VPS13A: variants seen among roughly 807,000 people sequenced by gnomAD.
The protein encoded by VPS13A is vacuolar protein sorting 13 homolog A.
Under a neutral mutation model 390.9 loss-of-function variants are expected in VPS13A, and 264 were observed. The observed-to-expected ratio is 0.68, with a 90% CI of 0.61 to 0.75. The LOEUF is 0.75. Among genes scored for constraint, VPS13A ranks in the 30% least tolerant of loss-of-function variants. The probability of loss-of-function intolerance (pLI) is 0.00; values close to 1 mark genes in which losing one functional copy is unlikely to be tolerated. For synonymous variants in VPS13A, 1,231 were observed against 1,227.1 expected, an observed-to-expected ratio of 1.00 and a Z score of -0.07; for missense variants, 3,409 against 3,733.9, an observed-to-expected ratio of 0.91 and a Z score of 2.27.
intron 34 of VPS13A, among the ~76,000 whole-genome samples, chr9:77,303,525 A>G (rs989169098): frequency 5.3e-5 from 8 of 152,294 alleles, no homozygotes; most frequent in African/African-American, 1.9e-4. Flanking sequence ...TAGAGAAACA[A>G]CAGTGGACCC....
chr9:77,215,653 T>C (rs905615059), intron 10 of VPS13A, among the ~76,000 whole-genome samples: 5 of 152,112 alleles, frequency 3.3e-5, no homozygotes, highest in Admixed American at 6.5e-5. Context: ...GCTAAAGATA[T>C]AGACAGAAGA....
chr9:77,404,465 A>T (rs1257707960), intron 69 of VPS13A, among the ~76,000 whole-genome samples: 1 of 152,196 alleles, frequency 6.6e-6, no homozygotes, highest in Non-Finnish European at 1.5e-5. Flanking sequence ...AGACTTTTGT[A>T]ATTAATTACA....
At chr9:77,381,323 T>A (rs1024719205) in intron 67 of VPS13A, among the ~76,000 whole-genome samples, 1 of 152,110 alleles carries the variant, frequency 6.6e-6, no homozygotes, top group Non-Finnish European at 1.5e-5. Context: ...TGCCCAGGAT[T>A]GGGGTATGTG....
intron 25 of VPS13A, 47 bp downstream of exon 25, chr9:77,275,699 C>G: frequency 6.4e-7 from 1 of 1,571,650 alleles, no homozygotes; most frequent in South Asian, 1.1e-5. Flanking sequence ...TTTGCTGTTT[C>G]TATATTTACA....
chr9:77,331,100 T>C (rs1830253533), intron 45 of VPS13A, among the ~76,000 whole-genome samples: 1 of 151,476 alleles, frequency 6.6e-6, no homozygotes, highest in African/African-American at 2.4e-5. Flanking sequence ...AAAATTTTCT[T>C]ATTTTTCTAT....
At chr9:77,389,595 G>GC (rs1833826090) in intron 68 of VPS13A, 1 of 152,100 alleles carries the variant, frequency 6.6e-6, no homozygotes, top group Non-Finnish European at 1.5e-5. Context: ...GTGATCCATT[G>GC]CTCTCGGCTT....
chr9:77,196,349 C>T (rs1489403427), intron 1 of VPS13A, among the ~76,000 whole-genome samples: 1 of 152,146 alleles, frequency 6.6e-6, no homozygotes, highest in East Asian at 1.9e-4. Context: ...CAAAATCTTT[C>T]TTCTAGCTAT....
At chr9:77,244,899 A>T (rs1333400803) in intron 19 of VPS13A, among the ~76,000 whole-genome samples, 1 of 152,140 alleles carries the variant, frequency 6.6e-6, no homozygotes, top group East Asian at 1.9e-4. Flanking sequence ...TATATGTAGG[A>T]TCCACACTGC....
chr9:77,299,051 C>G (rs1828180257), intron 33 of VPS13A, among the ~76,000 whole-genome samples: 1 of 152,098 alleles, frequency 6.6e-6, no homozygotes, highest in South Asian at 2.1e-4. Context: ...TCAGGTTTGT[C>G]AAAGATCAGA....
chr9:77,318,779 A>G (rs1012092080), intron 41 of VPS13A, among the ~76,000 whole-genome samples, 188 bp downstream of exon 41: 6 of 152,178 alleles, frequency 3.9e-5, no homozygotes, highest in African/African-American at 1.4e-4. Flanking sequence ...TTTTATGTAT[A>G]CATTCCTTTT....
chr9:77,373,335 A>G (rs1021961806), intron 67 of VPS13A, among the ~76,000 whole-genome samples: 6 of 145,846 alleles, frequency 4.1e-5, no homozygotes, highest in Admixed American at 2.1e-4. Flanking sequence ...AACGCCGCAT[A>G]TCTACAACTA....
chr9:77,382,048 G>C lies in VPS13A; in HGVS notation c.9150G>C (p.Pro3050=), dbSNP rs143089318. 2 of 1,608,384 alleles carry C rather than the reference G, an allele frequency of 1.2e-6. No homozygotes were observed. The highest frequency in any genetic ancestry group is 1.7e-6 in the Non-Finnish European group (2 of 1,177,018). The change falls in exon 68 of 72, where the codon CCG becomes CCC. Residue 3050 remains proline (P), a synonymous_variant. Transcript: ENST00000360280. ...RFFNEDGVIR[P]YRLRDGTGNQ... ...TCAATGAAGATGGAGTTATCAGACC[G>C]TACAGGTTGAGGGATGGGACTGGAA...
intron 13 of VPS13A, among the ~76,000 whole-genome samples, chr9:77,222,550 T>A: frequency 6.6e-6 from 1 of 152,220 alleles, no homozygotes; most frequent in South Asian, 2.1e-4. Context: ...AGACATTGTG[T>A]TTTTTACAAA....
chr9:77,309,904 C>T (rs1828971767), intron 35 of VPS13A, among the ~76,000 whole-genome samples: 1 of 150,848 alleles, frequency 6.6e-6, no homozygotes, highest in African/African-American at 2.4e-5. Flanking sequence ...CTGTCAGGGA[C>T]TTAGAAAAAA....
intron 67 of VPS13A, among the ~76,000 whole-genome samples, chr9:77,374,879 C>T (rs963069399): frequency 1.6e-4 from 24 of 151,910 alleles, no homozygotes; most frequent in African/African-American, 5.8e-4. Context: ...AATCTTTTTC[C>T]TTTGTGTTTT....
chr9:77,407,657 C>A, intron 71 of VPS13A, 50 bp downstream of exon 71: 1 of 1,340,412 alleles, frequency 7.5e-7, no homozygotes, highest in South Asian at 1.2e-5. Context: ...ACTTCAAAAT[C>A]ATGTAAGTGG....
rs1835238806 is a variant in VPS13A at position 77,418,431 on chromosome 9, T to C, written c.*2425T>C. ...GAAAATCATAATCAGAAAGAGTGAC[T>C]TTGATTTCTGGTACTTGTGATCAAA... On this transcript the variant is annotated 3_prime_UTR_variant, in exon 72 of 72. Coordinates refer to ENST00000360280, the MANE Select transcript of VPS13A (RefSeq NM_033305.3). The C allele has an allele frequency of 6.6e-6, 1 of 152,234 alleles. No individual in the cohort carries two copies. The highest frequency in any genetic ancestry group is 2.1e-4 in the South Asian group (1 of 4,830). The allele number at this position is 152,234 out of a possible 1,614,324, so 9.4% of individuals were successfully genotyped here. A position where few individuals can be genotyped will look rare whatever the true frequency, so the allele number is the denominator to read the frequency against.
chr9:77,333,861 C>G (rs181608581), intron 46 of VPS13A, among the ~76,000 whole-genome samples: 1 of 151,996 alleles, frequency 6.6e-6, no homozygotes, highest in Non-Finnish European at 1.5e-5. Context: ...ATTCATTTAA[C>G]AAATATTTAT....
chr9:77,364,426 G>A (rs929083532), intron 59 of VPS13A, among the ~76,000 whole-genome samples: 7 of 151,616 alleles, frequency 4.6e-5, no homozygotes, highest in South Asian at 2.1e-4. Flanking sequence ...ACTCCGTCTC[G>A]AAAAAAACAA....
Sources: gnomAD v4.1 joint callset for allele counts (sites outside exome capture counted in the v4.1 genomes callset) on GRCh38, gnomAD v4.1.1 for gene constraint, MANE v1.5 for transcripts, NCBI Gene and HGNC (gene_info 2026-07-23, HGNC 2026-07-21) for gene names.